The following GAS2L3 variants were observed in gnomAD, a reference collection of about 807,000 sequenced individuals.
The protein encoded by GAS2L3 is GAS2-like protein 3.
A neutral mutation model predicts 37.0 loss-of-function variants in GAS2L3; 28 were observed. The ratio of observed to expected loss-of-function variants is 0.76; its 90% CI spans 0.56 to 1.04. GAS2L3 has a LOEUF of 1.04. Ranked by LOEUF, GAS2L3 falls within the 50% of genes least tolerant of loss-of-function variation. The probability of loss-of-function intolerance (pLI) is 0.00; values close to 1 mark genes in which losing one functional copy is unlikely to be tolerated. For synonymous variants in GAS2L3, 290 were observed against 296.6 expected, an observed-to-expected ratio of 0.98 and a Z score of 0.23; for missense variants, 793 against 817.6, an observed-to-expected ratio of 0.97 and a Z score of 0.37.
At position 100,624,575 on chromosome 12, in the gene GAS2L3, G is replaced by C; in HGVS notation, c.1770G>C (p.Gln590His). 6.2e-7 allele frequency: 1 copy of C among 1,614,070 alleles called. No homozygotes were observed. Among genetic ancestry groups the C allele is most frequent in the Non-Finnish European group, 8.5e-7 (1 of 1,180,026 alleles). ...ATATAGTTTCAGCTACCAAAAAGCA[G>C]CCTCAGAATAAAAGTGCATTTCAGA... is the stretch of plus-strand genomic sequence containing the variant. The part of the protein sequence containing the change: ...DKNIVSATKK[Q>H]PQNKSAFQKT... The change falls in exon 10 of 10, where the codon CAG becomes CAC. Residue 590 changes from glutamine (Q) to histidine (H), a missense_variant. Transcript: ENST00000547754.
At chr12:100,603,662 G>T (rs1956020418) in intron 5 of GAS2L3, among the ~76,000 whole-genome samples, 2 of 151,952 alleles carry the variant, frequency 1.3e-5, no homozygotes, top group South Asian at 4.2e-4. Context: ...TTTTTGATTT[G>T]GTTGCTTCTG....
At chr12:100,603,804 A>T (rs1426860470) in intron 5 of GAS2L3, among the ~76,000 whole-genome samples, 2 of 151,954 alleles carry the variant, frequency 1.3e-5, no homozygotes, top group African/African-American at 4.8e-5. Context: ...TTTCATTTTT[A>T]TATATGGTGA....
intron 2 of GAS2L3, among the ~76,000 whole-genome samples, chr12:100,592,738 A>G (rs1955861501): frequency 6.6e-6 from 1 of 152,126 alleles, no homozygotes; most frequent in African/African-American, 2.4e-5. Flanking sequence ...GTCTTGTGAA[A>G]GATTCCCAAC....
chr12:100,601,543 CTAG>C, intron 4 of GAS2L3, 92 bp from the exon 5 acceptor site: 1 of 676,060 alleles, frequency 1.5e-6, no homozygotes, highest in South Asian at 1.8e-5. Context: ...TGATATTTTT[CTAG>C]TGTTTTGCTG....
In GAS2L3 at chr12:100,600,468, C is replaced by G. The variant is rs776903194; in HGVS notation, c.105C>G (p.Tyr35Ter). Reference sequence around the variant, plus strand: ...CAGGATTGGCTAATGTTTGTCAGTACGATGAGTGGATAGCTGTGAGGCATG... The same window carrying G: ...CAGGATTGGCTAATGTTTGTCAGTAGGATGAGTGGATAGCTGTGAGGCATG... ...HGPGLANVCQ[Y>*]DEWIAVRHEA... Residue 35 changes from tyrosine to a stop codon, truncating the protein, a stop_gained, in exon 4 of 10, where the codon TAC becomes TAG. Coordinates refer to ENST00000547754, the MANE Select transcript of GAS2L3 (RefSeq NM_174942.3). LOFTEE classifies it high-confidence loss of function. The G allele has an allele frequency of 6.2e-7, 1 of 1,612,822 alleles. No homozygotes were observed. Among genetic ancestry groups the G allele is most frequent in the Non-Finnish European group, 8.5e-7 (1 of 1,179,038 alleles).
intron 1 of GAS2L3, among the ~76,000 whole-genome samples, chr12:100,580,575 A>C (rs1955698526): frequency 6.6e-6 from 1 of 152,208 alleles, no homozygotes; most frequent in Admixed American, 6.5e-5. Context: ...GCCATTAGTT[A>C]GACACTCACT....
chr12:100,617,655 C>A (rs1258576949), intron 6 of GAS2L3, 89 bp from the exon 7 acceptor site: 1 of 816,248 alleles, frequency 1.2e-6, no homozygotes, highest in Non-Finnish European at 2.1e-6. Flanking sequence ...CTTCATTATT[C>A]TTTTTTATTT....
At position 100,624,699 on chromosome 12, in the gene GAS2L3, G is replaced by A. The variant is rs201342055; in HGVS notation, c.1894G>A (p.Ala632Thr). 44 of 1,614,082 alleles carry A rather than the reference G, an allele frequency of 2.7e-5. No individual in the cohort carries two copies. The Admixed American group carries it at 3.5e-4, about 13-fold the overall frequency. Residue 632 changes from alanine to threonine, a missense_variant, in exon 10 of 10, where the codon GCA becomes ACA. Physicochemically the swap from Ala to Thr is moderately conservative, Grantham distance 58 (BLOSUM62 0). Coordinates refer to ENST00000547754, the MANE Select transcript of GAS2L3 (RefSeq NM_174942.3). ...CAAAACACAAACTGCACCGAAGTCA[G>A]CACAGACTGTCGCTAAGAGCCAGCA... Reference protein sequence around the residue: ...STKTQTAPKSAQTVAKSQHST... With the variant: ...STKTQTAPKSTQTVAKSQHST...
chr12:100,610,614 G>A (rs1956115847), intron 5 of GAS2L3, among the ~76,000 whole-genome samples: 1 of 151,900 alleles, frequency 6.6e-6, no homozygotes. Context: ...GTAACAGGAA[G>A]GATATACAAG....
intron 5 of GAS2L3, among the ~76,000 whole-genome samples, chr12:100,605,332 G>A (rs184462641): frequency 1.8e-4 from 27 of 151,692 alleles, no homozygotes; most frequent in African/African-American, 6.0e-4. Context: ...AAATTTCTGT[G>A]GTATCAGTTG....
At position 100,622,318 on chromosome 12, in the gene GAS2L3, G is replaced by T; in HGVS notation, c.692G>T (p.Arg231Leu). 1.2e-6 allele frequency: 2 copies of T among 1,605,880 alleles called. No individual in the cohort carries two copies. The highest frequency in any genetic ancestry group is 1.7e-6 in the Non-Finnish European group (2 of 1,173,400). ...AEDPPCSCSHRFSIEYLSEGR... is the reference protein window; with the variant it reads ...AEDPPCSCSHLFSIEYLSEGR... ...GACCCTCCTTGTAGTTGTTCTCATC[G>T]ATTTTCTATTGAGTATTTATCTGAA... The change falls in exon 9 of 10, where the codon CGA becomes CTA. Residue 231 changes from arginine (R) to leucine (L), a missense_variant. By Grantham distance (102) the Arg-to-Leu change is moderately radical (BLOSUM62 -2). Transcript: ENST00000547754.
At chr12:100,592,960 CAAAT>C (rs775519267) in intron 2 of GAS2L3, among the ~76,000 whole-genome samples, 4 of 151,830 alleles carry the variant, frequency 2.6e-5, no homozygotes, top group Non-Finnish European at 4.4e-5. Flanking sequence ...TTATATGAAA[CAAAT>C]AGAGATTTTT....
In GAS2L3 at chr12:100,624,065, T is replaced by C. The variant is rs1956297150; in HGVS notation, c.1260T>C (p.Ala420=). 1 of 1,613,906 alleles carries C rather than the reference T, an allele frequency of 6.2e-7. No homozygotes were observed. Among genetic ancestry groups the C allele is most frequent in the South Asian group, 1.1e-5 (1 of 91,074 alleles). The change falls in exon 10 of 10, where the codon GCT becomes GCC. Residue 420 remains alanine, a synonymous_variant. Coordinates refer to ENST00000547754, the MANE Select transcript of GAS2L3 (RefSeq NM_174942.3). ...TAGGTAAAAACACTTCTTCACCAGC[T>C]TTACCAAGAACTGCACCTTGTATAT... The part of the protein sequence containing the change: ...NPVGKNTSSP[A]LPRTAPCISE...
At position 100,625,237 on chromosome 12, in the gene GAS2L3, T is replaced by C; in HGVS notation, c.*347T>C. 5.7e-6 allele frequency: 1 copy of C among 175,232 alleles called. No homozygotes were observed. 10.9% of individuals were successfully genotyped at this position (175,232 alleles called of 1,614,324 possible). On this transcript the variant is annotated 3_prime_UTR_variant, in exon 10 of 10. Transcript: ENST00000547754. Reference sequence around the variant, plus strand: ...ACAATAGTTGCTCTATTTTTGAATATGTATTAAATATGGAGTTCATATACC... The same window carrying C: ...ACAATAGTTGCTCTATTTTTGAATACGTATTAAATATGGAGTTCATATACC...
chr12:100,574,231 G>T (rs1701166122), intron 1 of GAS2L3, among the ~76,000 whole-genome samples: 1 of 152,130 alleles, frequency 6.6e-6, no homozygotes, highest in African/African-American at 2.4e-5. Flanking sequence ...GTTTTTTTCT[G>T]TTCATCATCC....
intron 1 of GAS2L3, among the ~76,000 whole-genome samples, chr12:100,580,771 G>C (rs1955701034): frequency 6.6e-6 from 1 of 152,142 alleles, no homozygotes; most frequent in South Asian, 2.1e-4. Context: ...AGCACATTTT[G>C]AGCACCTGCT....
chr12:100,627,704 G>C lies in GAS2L3; in HGVS notation c.*2814G>C, dbSNP rs187367831. ...TTTAAAAACAGCTCTTAACATTGCT[G>C]AAGTTGGGAGAACTTTCCATCTCTT... On this transcript the variant is annotated 3_prime_UTR_variant, in exon 10 of 10. Coordinates refer to ENST00000547754, the MANE Select transcript of GAS2L3 (RefSeq NM_174942.3). 23 of 152,184 alleles carry C rather than the reference G, an allele frequency of 1.5e-4. No homozygotes were observed. The highest frequency in any genetic ancestry group is 5.5e-4 in the African/African-American group (23 of 41,442). 9.4% of individuals were successfully genotyped at this position (152,184 alleles called of 1,614,324 possible).
chr12:100,615,584 ATTTTT>A (rs1377512840), intron 6 of GAS2L3, among the ~76,000 whole-genome samples: 1 of 151,972 alleles, frequency 6.6e-6, no homozygotes, highest in Non-Finnish European at 1.5e-5. Context: ...AGTCATATAT[ATTTTT>A]AACATTTTTT....
chr12:100,584,943 C>G (rs1429510929), intron 1 of GAS2L3, among the ~76,000 whole-genome samples: 1 of 128,546 alleles, frequency 7.8e-6, no homozygotes, highest in African/African-American at 3.0e-5. Flanking sequence ...GGCTGGAGTG[C>G]TGTGGCGCAA....
Sources: gnomAD v4.1 joint callset for allele counts (sites outside exome capture counted in the v4.1 genomes callset) on GRCh38, gnomAD v4.1.1 for gene constraint, MANE v1.5 for transcripts, NCBI Gene and HGNC (gene_info 2026-07-23, HGNC 2026-07-21) for gene names.